PPFIBP2: variants seen among roughly 807,000 people sequenced by gnomAD.
PPFIBP2 encodes PPFIB scaffold protein 2.
Under a neutral mutation model 118.3 loss-of-function variants are expected in PPFIBP2, and 118 were observed. That is an observed-to-expected ratio of 1.00 (90% CI 0.86 to 1.16). PPFIBP2 has a LOEUF of 1.16. Among genes scored for constraint, PPFIBP2 ranks in the 50% most tolerant of loss-of-function variants. The pLI is 0.00. For missense variants in PPFIBP2, 1,195 were observed against 1,073.1 expected (o/e 1.11, Z -1.59); for synonymous variants, 414 against 397.4 (o/e 1.04, Z -0.50).
At chr11:7,548,008 A>G (rs1852519179) in intron 1 of PPFIBP2, among the ~76,000 whole-genome samples, 1 of 152,012 alleles carries the variant, frequency 6.6e-6, no homozygotes, top group South Asian at 2.1e-4. Context: ...CTGATGTTAT[A>G]TCCTCACTTA....
chr11:7,606,278 A>G (rs544022387), intron 5 of PPFIBP2, among the ~76,000 whole-genome samples: 2 of 152,326 alleles, frequency 1.3e-5, no homozygotes, highest in East Asian at 1.9e-4. Flanking sequence ...AACATGATTC[A>G]CTTTATGTTG....
intron 1 of PPFIBP2, among the ~76,000 whole-genome samples, chr11:7,527,578 A>G (rs1358926230): frequency 1.3e-5 from 2 of 152,196 alleles, no homozygotes; most frequent in Non-Finnish European, 2.9e-5. Context: ...AATGGAACTT[A>G]AGAAATGTAC....
At chr11:7,514,273 G>C (rs1470772746) in intron 1 of PPFIBP2, among the ~76,000 whole-genome samples, 152 bp downstream of exon 1, 1 of 152,232 alleles carries the variant, frequency 6.6e-6, no homozygotes, top group Non-Finnish European at 1.5e-5. Context: ...GCGTGTCCCA[G>C]GCTCGAGGAC....
At chr11:7,561,089 CAG>C (rs1854250732) in intron 2 of PPFIBP2, among the ~76,000 whole-genome samples, 1 of 152,080 alleles carries the variant, frequency 6.6e-6, no homozygotes, top group African/African-American at 2.4e-5. Context: ...TGTTTTGAGA[CAG>C]AGTTTTGTTC....
At chr11:7,662,843 A>C in the PPFIBP2 span, among the ~76,000 whole-genome samples, 1 of 150,412 alleles carries the variant, frequency 6.6e-6, no homozygotes, top group African/African-American at 2.4e-5. Flanking sequence ...GGCTTTGTTC[A>C]TTTCTTTTTA....
At position 7,556,040 on chromosome 11, in the gene PPFIBP2, ATATTT is replaced by A. The variant is rs1853576871; in HGVS notation, c.64+6505_64+6509del. On this transcript the variant is annotated intron_variant, in intron 2 of 23. Coordinates refer to ENST00000299492, the MANE Select transcript of PPFIBP2 (RefSeq NM_003621.5). The stretch of plus-strand genomic sequence containing the variant: ...TTTTGTTATCATCAAGTTGGCCATT[ATATTT>A]TATCTAAAGTACTTTGTTAGATTAG... 2.6e-5 allele frequency among the ~76,000 whole-genome samples: 4 copies of A among 152,170 alleles called. No homozygotes were observed. In the South Asian group the frequency reaches 6.2e-4, roughly 24 times the overall value.
At chr11:7,627,568 T>A (rs1323606933) in intron 8 of PPFIBP2, among the ~76,000 whole-genome samples, 1 of 152,156 alleles carries the variant, frequency 6.6e-6, no homozygotes, top group East Asian at 1.9e-4. Context: ...GACCTCCAGC[T>A]TCCTTAGGCT....
chr11:7,539,198 A>G (rs1189150785), intron 1 of PPFIBP2: 2 of 152,418 alleles, frequency 1.3e-5, no homozygotes, highest in African/African-American at 4.8e-5. Context: ...TCTGATAGCA[A>G]CGTTCTCAGC....
At chr11:7,525,976 A>G (rs1850196154) in intron 1 of PPFIBP2, among the ~76,000 whole-genome samples, 2 of 152,140 alleles carry the variant, frequency 1.3e-5, no homozygotes. Flanking sequence ...GAGGGCAGAG[A>G]TGAAGGCCTA....
At position 7,560,576 on chromosome 11, in the gene PPFIBP2, G is replaced by T. The variant is rs10839809; in HGVS notation, c.65-4977G>T. 2.3e-3 allele frequency among the ~76,000 whole-genome samples: 346 copies of T among 152,024 alleles called. 3 individuals are homozygous for T. Among genetic ancestry groups the T allele is most frequent in the African/African-American group, 8.1e-3 (335 of 41,470 alleles). ...TGGGGGGATTTTTCCCCTACTTTTT[G>T]AAAATTAAGATGCTGCTGAGATTAT... On this transcript the variant is annotated intron_variant, in intron 2 of 23. Transcript: ENST00000299492.
chr11:7,665,523 C>G, the PPFIBP2 span: 1,313 of 1,610,966 alleles, frequency 8.2e-4, 14 homozygotes, highest in African/African-American at 0.014. Context: ...TCGGCAGTAA[C>G]GAAGCCTGAG....
At chr11:7,656,414 G>A (rs775203865), downstream of PPFIBP2, among the ~76,000 whole-genome samples, 4 of 152,164 alleles carry the variant, frequency 2.6e-5, no homozygotes, top group Non-Finnish European at 4.4e-5. Context: ...ACTCCAAACA[G>A]GATCAGTTTT....
chr11:7,557,229 A>G (rs1853734818), intron 2 of PPFIBP2, among the ~76,000 whole-genome samples: 2 of 149,336 alleles, frequency 1.3e-5, no homozygotes, highest in South Asian at 2.1e-4. Flanking sequence ...GCTTGGCTGC[A>G]TTCTTTATTT....
intron 1 of PPFIBP2, chr11:7,539,293 T>C (rs1490904317): frequency 6.6e-6 from 1 of 152,408 alleles, no homozygotes; most frequent in Non-Finnish European, 1.5e-5. Context: ...CTGAGGGAAA[T>C]TTAGCACAAT....
At chr11:7,544,808 C>T (rs191904811) in intron 1 of PPFIBP2, among the ~76,000 whole-genome samples, 36 of 151,118 alleles carry the variant, frequency 2.4e-4, no homozygotes, top group African/African-American at 8.3e-4. Context: ...ATCTACTTCC[C>T]ACCATCTGCT....
the PPFIBP2 span, among the ~76,000 whole-genome samples, chr11:7,663,285 A>G: frequency 6.8e-6 from 1 of 146,596 alleles, no homozygotes; most frequent in Non-Finnish European, 1.5e-5. Context: ...GGTTTTATCT[A>G]CTTTTGGTCT....
intron 3 of PPFIBP2, among the ~76,000 whole-genome samples, chr11:7,574,482 C>T (rs1856036414): frequency 6.6e-6 from 1 of 152,200 alleles, no homozygotes; most frequent in Admixed American, 6.5e-5. Context: ...GAGTCATGGA[C>T]TGTTCTGATA....
chr11:7,576,205 G>A (rs1382599468), intron 3 of PPFIBP2, among the ~76,000 whole-genome samples: 2 of 152,230 alleles, frequency 1.3e-5, no homozygotes, highest in African/African-American at 2.4e-5. Context: ...GGAAGGCCCA[G>A]GCAGTCACAA....
At chr11:7,660,744 C>T (rs959623058), downstream of PPFIBP2, among the ~76,000 whole-genome samples, 7 of 150,984 alleles carry the variant, frequency 4.6e-5, no homozygotes, top group Non-Finnish European at 8.9e-5. Flanking sequence ...CCTTGTACCT[C>T]TGGTAGAATT....
Sources: gnomAD v4.1 joint callset for allele counts (sites outside exome capture counted in the v4.1 genomes callset) on GRCh38, gnomAD v4.1.1 for gene constraint, MANE v1.5 for transcripts, NCBI Gene and HGNC (gene_info 2026-07-23, HGNC 2026-07-21) for gene names.